Variants in GDAP2 observed in about 807,000 individuals in gnomAD.
GDAP2 encodes the protein ganglioside-induced differentiation-associated protein 2.
A neutral mutation model predicts 67.0 loss-of-function variants in GDAP2; 51 were observed. The ratio of observed to expected loss-of-function variants is 0.76; its 90% confidence interval spans 0.61 to 0.96. The LOEUF is 0.96. Among genes scored for constraint, GDAP2 ranks in the 40% least tolerant of loss-of-function variants. The probability of loss-of-function intolerance (pLI) is 0.00; values close to 1 mark genes in which losing one functional copy is unlikely to be tolerated. For synonymous variants in GDAP2, 203 were observed against 207.3 expected, an observed-to-expected ratio of 0.98 and a Z score of 0.18; for missense variants, 547 against 588.3, an observed-to-expected ratio of 0.93 and a Z score of 0.73.
In GDAP2 at chr1:117,870,636, G is replaced by C. The variant is rs1385098195; in HGVS notation, c.1447-20C>G. The C allele has an allele frequency of 6.5e-7, 1 of 1,533,152 alleles. No individual in the cohort carries two copies. The highest frequency in any genetic ancestry group is 1.1e-5 in the South Asian group (1 of 89,310). The allele number at this position is 1,533,152 out of a possible 1,614,324, so 95.0% of individuals were successfully genotyped here. A position where few individuals can be genotyped will look rare whatever the true frequency, so the allele number is the denominator to read the frequency against. On this transcript the variant is annotated intron_variant, in intron 13 of 13. Coordinates refer to ENST00000369443, the MANE Select transcript of GDAP2 (RefSeq NM_017686.4). ...GTTTTCCTGTGGAAAGAAAAAAGGA[G>C]AAGAACATTTAAGTAACAGAACCAA... is the stretch of plus-strand genomic sequence containing the variant.
chr1:117,916,485 G>A lies in GDAP2; in HGVS notation c.316+2112C>T, dbSNP rs377090106. Among the ~76,000 whole-genome samples, 46 of 152,266 alleles carry A rather than the reference G, an allele frequency of 3.0e-4. No individual in the cohort carries two copies. In the East Asian group the frequency reaches 3.5e-3, roughly 12 times the overall value. On this transcript the variant is annotated intron_variant, in intron 3 of 13. Coordinates refer to ENST00000369443, the MANE Select transcript of GDAP2 (RefSeq NM_017686.4). ...GGCCACTAAATAGTTTGAAGTAAAC[G>A]AACAATAAGGGGTTTACACTTACTG...
At chr1:117,890,794 A>T (rs887287622) in intron 8 of GDAP2, among the ~76,000 whole-genome samples, 1 of 152,080 alleles carries the variant, frequency 6.6e-6, no homozygotes, top group African/African-American at 2.4e-5. Context: ...AAAGCTTATC[A>T]TGCTGTATGT....
At position 117,869,814 on chromosome 1, in the gene GDAP2, AGAGTACT is replaced by A. The variant is rs2101112515; in HGVS notation, c.*748_*754del. 1 of 152,598 alleles carries A rather than the reference AGAGTACT, an allele frequency of 6.6e-6. No homozygotes were observed. Among genetic ancestry groups the A allele is most frequent in the African/African-American group, 2.4e-5 (1 of 41,584 alleles). The allele number at this position is 152,598 out of a possible 1,614,324, so 9.5% of individuals were successfully genotyped here. ...GCTGGAGTCTTGGAAGATGCTCTTA[AGAGTACT>A]AATATGTGCGGTCCTTTTGAATAAG... On this transcript the variant is annotated 3_prime_UTR_variant, in exon 14 of 14. Transcript: ENST00000369443.
At chr1:117,883,387 A>G in intron 11 of GDAP2, 101 bp downstream of exon 11, 1 of 836,762 alleles carries the variant, frequency 1.2e-6, no homozygotes. Flanking sequence ...TCTTTGTTAC[A>G]TGAAATATCC....
intron 13 of GDAP2, chr1:117,877,104 C>T (rs1205032304): frequency 2.5e-5 from 4 of 162,766 alleles, no homozygotes; most frequent in Admixed American, 2.0e-4. Context: ...GTTACAAATC[C>T]TCTCTGTATA....
At chr1:117,924,674 G>A (rs1650381766) in intron 1 of GDAP2, among the ~76,000 whole-genome samples, 1 of 152,106 alleles carries the variant, frequency 6.6e-6, no homozygotes, top group Admixed American at 6.5e-5. Context: ...ATTTCAGAAA[G>A]GCCTTGTAGG....
rs1177060612 is a variant in GDAP2, at chr1:117,908,762, C to T, written c.560-2180G>A. On this transcript the variant is annotated intron_variant, in intron 5 of 13. Coordinates refer to ENST00000369443, the MANE Select transcript of GDAP2 (RefSeq NM_017686.4). ...ATCACTTGAGCCCAGGAGGTTGAGG[C>T]TGCATTGAGCTGTGTTTGCCCCACT... 2.6e-5 allele frequency among the ~76,000 whole-genome samples: 4 copies of T among 151,936 alleles called. No individual in the cohort carries two copies. In the East Asian group the frequency reaches 7.7e-4, roughly 29 times the overall value.
chr1:117,898,206 C>T (rs1649327321), intron 7 of GDAP2, among the ~76,000 whole-genome samples: 1 of 152,190 alleles, frequency 6.6e-6, no homozygotes, highest in Admixed American at 6.5e-5. Context: ...ATGGTAGTCA[C>T]AGGCATGAGG....
At chr1:117,911,380 A>G (rs1431492182) in intron 5 of GDAP2, among the ~76,000 whole-genome samples, 1 of 152,250 alleles carries the variant, frequency 6.6e-6, no homozygotes, top group East Asian at 1.9e-4. Flanking sequence ...GCCAAGTGTT[A>G]TACAAATATG....
chr1:117,904,982 T>G (rs1649608881), intron 6 of GDAP2, among the ~76,000 whole-genome samples: 1 of 152,202 alleles, frequency 6.6e-6, no homozygotes, highest in South Asian at 2.1e-4. Context: ...ATTTAGTCAC[T>G]CAAGCCAAAA....
At chr1:117,913,559 C>T (rs1649938145) in intron 3 of GDAP2, 1 of 152,138 alleles carries the variant, frequency 6.6e-6, no homozygotes, top group African/African-American at 2.4e-5. Flanking sequence ...TAGCCCTCTG[C>T]CCCTAAATGG....
Position 117,883,718 on chromosome 1 carries a change from G to T in GDAP2, c.1108-91C>A, listed in dbSNP as rs562550067. ...AGAAAAAACAAAACAAAACAAAATA[G>T]AAAATTAACCTACTCTATGCCCTAG... On this transcript the variant is annotated intron_variant, in intron 10 of 13. Coordinates refer to ENST00000369443, the MANE Select transcript of GDAP2 (RefSeq NM_017686.4). 572 of 834,674 alleles carry T rather than the reference G, an allele frequency of 6.9e-4. 8 individuals are homozygous for T. In the South Asian group the frequency reaches 9.3e-3, roughly 14 times the overall value. 51.7% of individuals were successfully genotyped at this position (834,674 alleles called of 1,614,324 possible).
intron 11 of GDAP2, 40 bp downstream of exon 11, chr1:117,883,448 A>G (rs1648735337): frequency 6.8e-7 from 1 of 1,478,100 alleles, no homozygotes. Flanking sequence ...TAGAAAAGAA[A>G]GAAACTATTT....
At chr1:117,902,622 C>T (rs114768598) in intron 6 of GDAP2, among the ~76,000 whole-genome samples, 6 of 152,166 alleles carry the variant, frequency 3.9e-5, no homozygotes, top group Non-Finnish European at 7.3e-5. Flanking sequence ...CTGACCTATA[C>T]GTTTATCCTT....
rs139464815 is a variant in GDAP2, at chr1:117,868,943, T to C, written c.*1626A>G. On this transcript the variant is annotated 3_prime_UTR_variant, in exon 14 of 14. Transcript: ENST00000369443. ...GAACCTTTATCTAAAAAATGTAAAGTCTCTTCTTGTTTATATGGGAAAATA... is the reference window on the plus strand; with the variant it reads ...GAACCTTTATCTAAAAAATGTAAAGCCTCTTCTTGTTTATATGGGAAAATA... 1 of 152,224 alleles carries C rather than the reference T, an allele frequency of 6.6e-6. No individual in the cohort carries two copies. The highest frequency in any genetic ancestry group is 1.5e-5 in the Non-Finnish European group (1 of 68,016). 9.4% of individuals were successfully genotyped at this position (152,224 alleles called of 1,614,324 possible). A position where few individuals can be genotyped will look rare whatever the true frequency, so the allele number is the denominator to read the frequency against.
At chr1:117,902,856 T>G (rs1296528213) in intron 6 of GDAP2, among the ~76,000 whole-genome samples, 7 of 152,242 alleles carry the variant, frequency 4.6e-5, no homozygotes, top group Non-Finnish European at 8.8e-5. Context: ...GTATGGTCAG[T>G]ACTGTTATCT....
At chr1:117,919,270 A>G (rs1414566769) in intron 2 of GDAP2, among the ~76,000 whole-genome samples, 1 of 151,480 alleles carries the variant, frequency 6.6e-6, no homozygotes, top group African/African-American at 2.4e-5. Flanking sequence ...GCTACTCAGG[A>G]GGCTGAGGCA....
intron 3 of GDAP2, among the ~76,000 whole-genome samples, chr1:117,917,971 C>T (rs1011309747): frequency 3.9e-5 from 6 of 152,172 alleles, no homozygotes. Flanking sequence ...AAATGCAATT[C>T]TTCCCATTCT....
At chr1:117,908,075 A>G (rs1649722041) in intron 5 of GDAP2, among the ~76,000 whole-genome samples, 1 of 151,806 alleles carries the variant, frequency 6.6e-6, no homozygotes, top group Non-Finnish European at 1.5e-5. Flanking sequence ...CCTACCTTTG[A>G]CTAGAGTACC....
Sources: allele counts gnomAD v4.1 joint callset (sites outside exome capture counted in the v4.1 genomes callset), GRCh38; gene constraint gnomAD v4.1.1; transcripts MANE v1.5; gene names NCBI Gene and HGNC (gene_info 2026-07-23, HGNC 2026-07-21).